The following CSMD1 variants were observed in gnomAD, a reference collection of about 807,000 sequenced individuals.
CSMD1 encodes CUB and Sushi multiple domains 1.
In CSMD1, 213 loss-of-function variants were observed where a neutral mutation model predicts 417.5. The ratio of observed to expected loss-of-function variants is 0.51; its 90% CI spans 0.46 to 0.57. CSMD1 has a LOEUF of 0.57. Among genes scored for constraint, CSMD1 ranks in the 20% least tolerant of loss-of-function variants. The pLI is 0.00. For missense variants in CSMD1, 6,923 were observed against 4,529.7 expected (o/e 1.53, Z -15.17); for synonymous variants, 2,862 against 1,736.8 (o/e 1.65, Z -16.11).
chr8:4,136,957 T>G (rs990844097), intron 3 of CSMD1, among the ~76,000 whole-genome samples: 5 of 152,218 alleles, frequency 3.3e-5, no homozygotes, highest in African/African-American at 1.2e-4. Flanking sequence ...AAAACCAATA[T>G]TCAGCCTATA....
intron 38 of CSMD1, among the ~76,000 whole-genome samples, chr8:3,161,258 A>G (rs1373369115): frequency 6.6e-6 from 1 of 152,178 alleles, no homozygotes; most frequent in Non-Finnish European, 1.5e-5. Context: ...AATAATAAAT[A>G]ATAAGAGAAA....
At chr8:4,191,205 G>C (rs76097879) in intron 3 of CSMD1, among the ~76,000 whole-genome samples, 1 of 152,106 alleles carries the variant, frequency 6.6e-6, no homozygotes, top group Non-Finnish European at 1.5e-5. Context: ...GACCATCCCG[G>C]CTAACATGGT....
In CSMD1 at chr8:3,812,893, C is replaced by T. The variant is rs143657775; in HGVS notation, c.819-58851G>A. Among the ~76,000 whole-genome samples, 216 of 152,304 alleles carry T rather than the reference C, an allele frequency of 1.4e-3. 1 individual carries two copies. The highest frequency in any genetic ancestry group is 4.9e-3 in the African/African-American group (205 of 41,558). On this transcript the variant is annotated intron_variant, in intron 5 of 69. Coordinates refer to ENST00000635120, the MANE Select transcript of CSMD1 (RefSeq NM_033225.6). The stretch of plus-strand genomic sequence containing the variant: ...GGACCAGTTTAATGACATGCCAGCT[C>T]TTTCGTGGCTGTGATAATGTGTTTT...
Position 3,059,127 on chromosome 8 carries a change from T to C in CSMD1, c.7475-6480A>G, listed in dbSNP as rs528106094. ...CCATAGGAGACGCTGCAAGTGCAAA[T>C]GAAGGTCTCCCCATCCCATCAAAGC... On this transcript the variant is annotated intron_variant, in intron 49 of 69. Transcript: ENST00000635120. Among the ~76,000 whole-genome samples the C allele has an allele frequency of 3.5e-4, 53 of 151,830 alleles. 1 individual carries two copies. The highest frequency in any genetic ancestry group is 1.1e-3 in the African/African-American group (47 of 41,376).
At chr8:3,879,918 G>A (rs1360370370) in intron 5 of CSMD1, among the ~76,000 whole-genome samples, 5 of 152,050 alleles carry the variant, frequency 3.3e-5, no homozygotes, top group African/African-American at 4.8e-5. Context: ...TAACGAAATA[G>A]TGCTTGGTAT....
chr8:3,427,337 G>C (rs1270762225), intron 12 of CSMD1, among the ~76,000 whole-genome samples: 1 of 152,130 alleles, frequency 6.6e-6, no homozygotes, highest in African/African-American at 2.4e-5. Flanking sequence ...AAATGAATCA[G>C]TACTGATTTT....
intron 5 of CSMD1, among the ~76,000 whole-genome samples, chr8:3,798,449 G>C (rs1800279725): frequency 6.6e-6 from 1 of 152,004 alleles, no homozygotes; most frequent in African/African-American, 2.4e-5. Flanking sequence ...TACTCATTTT[G>C]ATTTCAGGAA....
At chr8:4,683,583 T>G (rs1386241699) in intron 1 of CSMD1, among the ~76,000 whole-genome samples, 2 of 152,172 alleles carry the variant, frequency 1.3e-5, no homozygotes, top group Non-Finnish European at 2.9e-5. Context: ...CTGTTGGTAG[T>G]GGAGCCAGAA....
intron 5 of CSMD1, among the ~76,000 whole-genome samples, chr8:3,884,749 G>T (rs1055510467): frequency 2.0e-5 from 3 of 152,058 alleles, no homozygotes; most frequent in Admixed American, 1.3e-4. Context: ...AAACCTGTGA[G>T]TAAATAATGA....
intron 10 of CSMD1, 81 bp from the exon 11 acceptor site, chr8:3,493,807 A>G (rs1796238544): frequency 9.0e-6 from 11 of 1,219,310 alleles, no homozygotes; most frequent in East Asian, 2.6e-5. Context: ...ATATCTAGTT[A>G]TACTGTTAAA....
At chr8:3,711,972 G>A (rs77245232) in intron 6 of CSMD1, among the ~76,000 whole-genome samples, 3,090 of 152,256 alleles carry the variant, frequency 0.02, 89 homozygotes, top group African/African-American at 0.07. Context: ...CAAGGTATGC[G>A]AATAGACAGG....
chr8:3,394,023 T>A (rs1296619104), intron 17 of CSMD1, among the ~76,000 whole-genome samples: 2 of 96,128 alleles, frequency 2.1e-5, no homozygotes, highest in East Asian at 3.1e-4. Context: ...TATATATATA[T>A]ATATATATAT....
At chr8:4,315,501 T>C (rs1798870242) in intron 3 of CSMD1, among the ~76,000 whole-genome samples, 1 of 152,026 alleles carries the variant, frequency 6.6e-6, no homozygotes, top group Admixed American at 6.6e-5. Context: ...AAATAAAAAG[T>C]GAACCAATAA....
intron 3 of CSMD1, among the ~76,000 whole-genome samples, chr8:4,106,095 C>A (rs911292303): frequency 2.0e-5 from 3 of 152,188 alleles, no homozygotes; most frequent in Non-Finnish European, 4.4e-5. Flanking sequence ...GTCTCTGAGG[C>A]AGGACAACCC....
intron 1 of CSMD1, among the ~76,000 whole-genome samples, chr8:4,980,827 C>G (rs894352044): frequency 1.3e-5 from 2 of 151,882 alleles, no homozygotes; most frequent in African/African-American, 4.8e-5. Context: ...TCACTTGATC[C>G]CAGGAAGTTG....
chr8:4,940,740 G>A (rs1807941158), intron 1 of CSMD1, among the ~76,000 whole-genome samples: 1 of 152,170 alleles, frequency 6.6e-6, no homozygotes, highest in Non-Finnish European at 1.5e-5. Context: ...CTCCAGGGTA[G>A]CAGCACAGGT....
chr8:4,095,628 G>C (rs373080194), intron 3 of CSMD1, among the ~76,000 whole-genome samples: 2 of 152,192 alleles, frequency 1.3e-5, no homozygotes, highest in African/African-American at 2.4e-5. Context: ...AGCTGCGTGT[G>C]TTATAGAAGA....
chr8:3,078,227 CACT>C (rs969923744), intron 49 of CSMD1, among the ~76,000 whole-genome samples: 6 of 152,172 alleles, frequency 3.9e-5, no homozygotes, highest in African/African-American at 4.8e-5. Context: ...GTCTTCATAT[CACT>C]ACTACTATTA....
At chr8:3,206,298 G>T (rs1470238316) in intron 30 of CSMD1, among the ~76,000 whole-genome samples, 7 of 141,850 alleles carry the variant, frequency 4.9e-5, no homozygotes, top group African/African-American at 1.6e-4. Flanking sequence ...TGTGTGTGTG[G>T]GGTGTGTGTG....
Sources: allele counts gnomAD v4.1 joint callset (sites outside exome capture counted in the v4.1 genomes callset), GRCh38; gene constraint gnomAD v4.1.1; transcripts MANE v1.5; gene names NCBI Gene and HGNC (gene_info 2026-07-23, HGNC 2026-07-21).